TPH2: variants seen among roughly 807,000 people sequenced by gnomAD.
TPH2 encodes tryptophan hydroxylase 2, also known as tryptophan 5-hydroxylase 2.
In TPH2, 27 loss-of-function variants were observed where a neutral mutation model predicts 59.1. That is an observed-to-expected ratio of 0.46 (90% CI 0.34 to 0.63). The LOEUF is 0.63. TPH2 is among the 30% of genes least tolerant of loss of function. The pLI is 0.01. For missense variants in TPH2, 523 were observed against 588.3 expected, an observed-to-expected ratio of 0.89 and a Z score of 1.15; for synonymous variants, 220 against 210.5, an observed-to-expected ratio of 1.05 and a Z score of -0.39.
At position 71,972,536 on chromosome 12, in the gene TPH2, G is replaced by C; in HGVS notation, c.626G>C (p.Arg209Thr). ...CTGCCTAGTGGTCAGCCCATTCCCA[G>C]GGTGGAGTATACTGAAGAAGAAACT... ...MGYKYGQPIP[R>T]VEYTEEETKT... The change falls in exon 6 of 11, where the codon AGG becomes ACG. Residue 209 changes from arginine to threonine, a missense_variant. By Grantham distance (71) the Arg-to-Thr change is moderately conservative (BLOSUM62 -1). Coordinates refer to ENST00000333850, the MANE Select transcript of TPH2 (RefSeq NM_173353.4). 16 of 1,614,152 alleles carry C rather than the reference G, an allele frequency of 9.9e-6. No homozygotes were observed. The highest frequency in any genetic ancestry group is 1.4e-5 in the Non-Finnish European group (16 of 1,180,024).
chr12:71,978,820 TC>T, intron 6 of TPH2, 131 bp from the exon 7 acceptor site: 1 of 1,111,760 alleles, frequency 9.0e-7, no homozygotes, highest in South Asian at 1.3e-5. Context: ...TATATGTCAC[TC>T]AGTTGTCAAG....
intron 5 of TPH2, among the ~76,000 whole-genome samples, chr12:71,953,585 G>A (rs542367830): frequency 1.3e-5 from 2 of 152,244 alleles, no homozygotes; most frequent in Admixed American, 6.5e-5. Context: ...GGTTTTCTGA[G>A]TACATAAAGG....
intron 8 of TPH2, among the ~76,000 whole-genome samples, chr12:71,997,767 A>G (rs1872729618): frequency 1.1e-5 from 1 of 89,482 alleles, no homozygotes; most frequent in Non-Finnish European, 2.8e-5. Flanking sequence ...GACAGGGGGA[A>G]AAAAAGAGGT....
chr12:72,008,571 T>A (rs1192814452), intron 8 of TPH2, among the ~76,000 whole-genome samples: 1 of 152,214 alleles, frequency 6.6e-6, no homozygotes, highest in Non-Finnish European at 1.5e-5. Flanking sequence ...ACAGTCCTGG[T>A]ATTCATTCAC....
intron 5 of TPH2, among the ~76,000 whole-genome samples, chr12:71,956,592 C>T (rs868371665): frequency 9.4e-5 from 14 of 148,632 alleles, no homozygotes; most frequent in African/African-American, 3.0e-4. Flanking sequence ...TCCCTCTTTC[C>T]CTCCTTCCCT....
chr12:71,974,162 C>T (rs1270617984), intron 6 of TPH2, among the ~76,000 whole-genome samples: 12 of 152,072 alleles, frequency 7.9e-5, no homozygotes, highest in Non-Finnish European at 2.9e-5. Context: ...TCTATCAGTA[C>T]TGTTTTTTCT....
At chr12:71,993,008 A>G (rs1014751364) in intron 7 of TPH2, among the ~76,000 whole-genome samples, 2 of 152,230 alleles carry the variant, frequency 1.3e-5, no homozygotes, top group Non-Finnish European at 2.9e-5. Context: ...TCATGTACCA[A>G]AAAAGAAGTT....
intron 8 of TPH2, among the ~76,000 whole-genome samples, chr12:72,019,894 G>A (rs1873363325): frequency 6.6e-6 from 1 of 152,192 alleles, no homozygotes; most frequent in African/African-American, 2.4e-5. Flanking sequence ...CCCCGGGGTT[G>A]GAGTCACATA....
In TPH2 at chr12:71,953,838, C is replaced by CAAG. The variant is rs1009287694; in HGVS notation, c.608+4193_608+4195dup. ...TGATAATTAGTTAAGACTTTCTGGACAAGAAGAAGAAGTCAAACATGTGGT... is the reference window on the plus strand; with the variant it reads ...TGATAATTAGTTAAGACTTTCTGGACAAGAAGAAGAAGAAGTCAAACATGTGGT... On this transcript the variant is annotated intron_variant, in intron 5 of 10. Coordinates refer to ENST00000333850, the MANE Select transcript of TPH2 (RefSeq NM_173353.4). 2.6e-5 allele frequency among the ~76,000 whole-genome samples: 4 copies of CAAG among 151,904 alleles called. No individual in the cohort carries two copies. In the South Asian group the frequency reaches 8.3e-4, roughly 32 times the overall value.
At chr12:71,984,412 G>C (rs1442568672) in intron 7 of TPH2, among the ~76,000 whole-genome samples, 1 of 152,138 alleles carries the variant, frequency 6.6e-6, no homozygotes, top group Non-Finnish European at 1.5e-5. Flanking sequence ...TCTCTCACTA[G>C]GTCCATAATG....
At chr12:71,956,470 TC>T (rs1871503171) in intron 5 of TPH2, among the ~76,000 whole-genome samples, 3 of 5,282 alleles carry the variant, frequency 5.7e-4, no homozygotes, top group South Asian at 0.011. Context: ...CTTCCTTCCT[TC>T]CCTCCTTCCC....
chr12:71,960,413 G>A (rs998732188), intron 5 of TPH2, among the ~76,000 whole-genome samples: 10 of 152,180 alleles, frequency 6.6e-5, no homozygotes, highest in Admixed American at 1.3e-4. Context: ...AGAAGTCTTA[G>A]TGTATTTGAA....
intron 5 of TPH2, among the ~76,000 whole-genome samples, chr12:71,971,428 A>G (rs1871970581): frequency 6.6e-6 from 1 of 152,184 alleles, no homozygotes. Context: ...GAGTTTCAGA[A>G]TAGGTATCTT....
At chr12:72,026,665 A>G (rs892078644) in intron 9 of TPH2, among the ~76,000 whole-genome samples, 5 of 152,118 alleles carry the variant, frequency 3.3e-5, no homozygotes, top group African/African-American at 1.2e-4. Context: ...GGTGTTGGTA[A>G]TGACAGAGTA....
intron 7 of TPH2, among the ~76,000 whole-genome samples, chr12:71,985,114 T>TTTGAG (rs1872393968): frequency 6.6e-6 from 1 of 152,178 alleles, no homozygotes; most frequent in South Asian, 2.1e-4. Flanking sequence ...ACTACAACAC[T>TTTGAG]TTGAGTTGTT....
At chr12:71,944,192 G>A in intron 2 of TPH2, 102 bp from the exon 3 acceptor site, 1 of 1,165,522 alleles carries the variant, frequency 8.6e-7, no homozygotes, top group Non-Finnish European at 1.3e-6. Flanking sequence ...TCTTCCTCTT[G>A]TGTGGGTACT....
At chr12:71,952,090 A>T (rs1268090944) in intron 5 of TPH2, among the ~76,000 whole-genome samples, 1 of 152,220 alleles carries the variant, frequency 6.6e-6, no homozygotes, top group Non-Finnish European at 1.5e-5. Context: ...AACCAGTTTC[A>T]TGGAACTTTG....
At chr12:71,947,406 C>T (rs554913317) in intron 4 of TPH2, among the ~76,000 whole-genome samples, 2 of 151,010 alleles carry the variant, frequency 1.3e-5, no homozygotes, top group East Asian at 3.9e-4. Flanking sequence ...CCTTTGATTT[C>T]AATTGAGAGA....
intron 5 of TPH2, among the ~76,000 whole-genome samples, chr12:71,971,860 C>T (rs933951633): frequency 6.6e-6 from 1 of 152,184 alleles, no homozygotes; most frequent in African/African-American, 2.4e-5. Context: ...CCATATGACC[C>T]ACAAGCCTAA....
Sources: allele counts gnomAD v4.1 joint callset (sites outside exome capture counted in the v4.1 genomes callset), GRCh38; gene constraint gnomAD v4.1.1; transcripts MANE v1.5; gene names NCBI Gene and HGNC (gene_info 2026-07-23, HGNC 2026-07-21).